PRKD3: variants seen among roughly 807,000 people sequenced by gnomAD.
The protein encoded by PRKD3 is protein kinase D3.
PRKD3 carries 47 observed loss-of-function variants against 99.2 expected under a neutral mutation model. The observed-to-expected ratio is 0.47, with a 90% CI of 0.38 to 0.60. PRKD3 has a LOEUF of 0.60. Among genes scored for constraint, PRKD3 ranks in the 20% least tolerant of loss-of-function variants. The pLI, the probability that PRKD3 is intolerant of heterozygous loss-of-function variation, is 0.00. For missense variants in PRKD3, 1,019 were observed against 1,088.4 expected (o/e 0.94, Z 0.90); for synonymous variants, 392 against 355.4 (o/e 1.10, Z -1.16).
chr2:37,316,675 AC>A lies in PRKD3; in HGVS notation c.-152del, dbSNP rs1671678041. ...CCTCTGTTAAGCCACTCATGCCGAT[AC>A]TTTTAAGTTTTATCAAGGAGTTGAA... On this transcript the variant is annotated 5_prime_UTR_variant, in exon 2 of 19. Transcript: ENST00000234179. 7.0e-7 allele frequency: 1 copy of A among 1,437,992 alleles called. No homozygotes were observed. The allele number at this position is 1,437,992 out of a possible 1,614,324, so 89.1% of individuals were successfully genotyped here. A position where few individuals can be genotyped will look rare whatever the true frequency, so the allele number is the denominator to read the frequency against.
rs1189123289 is a variant in PRKD3 at position 37,272,422 on chromosome 2, A to C, written c.1662T>G (p.Ser554=). 2.5e-6 allele frequency: 4 copies of C among 1,605,618 alleles called. No individual in the cohort carries two copies. Among genetic ancestry groups the C allele is most frequent in the Non-Finnish European group, 3.4e-6 (4 of 1,177,584 alleles). The change falls in exon 12 of 19, where the codon TCT becomes TCG. Residue 554 remains serine (S), a synonymous_variant. Coordinates refer to ENST00000234179, the MANE Select transcript of PRKD3 (RefSeq NM_005813.6). The part of the protein sequence containing the change: ...PGQGKDHKDL[S]TSISVSNCQI... ...GACAATTAGATACAGAGATACTTGT[A>C]GACAAATCTTCTGTAAAATATAAAA...
At chr2:37,319,295 G>A (rs930279349) in intron 1 of PRKD3, among the ~76,000 whole-genome samples, 1 of 152,190 alleles carries the variant, frequency 6.6e-6, no homozygotes, top group Non-Finnish European at 1.5e-5. Context: ...TGTTAGTGTA[G>A]TTAAGTTTGC....
chr2:37,280,987 G>A (rs766531528), intron 7 of PRKD3, among the ~76,000 whole-genome samples: 4 of 152,130 alleles, frequency 2.6e-5, no homozygotes, highest in South Asian at 2.1e-4. Context: ...TAAAAATGGC[G>A]AATGAACACA....
At chr2:37,286,132 C>T (rs779096898) in intron 6 of PRKD3, 45 bp downstream of exon 6, 13 of 1,453,154 alleles carry the variant, frequency 8.9e-6, no homozygotes, top group Non-Finnish European at 1.2e-5. Context: ...TATATAATAA[C>T]AAAAACAGAC....
intron 7 of PRKD3, among the ~76,000 whole-genome samples, chr2:37,280,579 A>G (rs531648545): frequency 6.6e-6 from 1 of 152,180 alleles, no homozygotes; most frequent in Non-Finnish European, 1.5e-5. Context: ...TCTACATGCA[A>G]AAGAATGAAC....
chr2:37,279,011 T>C (rs902074789), intron 8 of PRKD3: 1 of 151,988 alleles, frequency 6.6e-6, no homozygotes, highest in Non-Finnish European at 1.5e-5. Context: ...AACAAAGATT[T>C]TGTTAATAAT....
chr2:37,255,042 G>A (rs1387200466), intron 17 of PRKD3, among the ~76,000 whole-genome samples: 1 of 152,150 alleles, frequency 6.6e-6, no homozygotes, highest in Non-Finnish European at 1.5e-5. Flanking sequence ...CGAACCAAAT[G>A]GAAAGACTTG....
In PRKD3 at chr2:37,289,442, G is replaced by C; in HGVS notation, c.631C>G (p.Arg211Gly). ...PNNCSGVRKRRLSNVSLPGPG... is the reference protein window; with the variant it reads ...PNNCSGVRKRGLSNVSLPGPG... ...CCTGGTAAAGATACATTTGACAGAC[G>C]TCTCTTTCTTACTCCACTACAGTTA... The change falls in exon 5 of 19, where the codon CGT (arginine) becomes GGT (glycine). Residue 211 changes from arginine (R) to glycine (G), a missense_variant. Physicochemically the swap from Arg to Gly is moderately radical, Grantham distance 125 (BLOSUM62 -2). Coordinates refer to ENST00000234179, the MANE Select transcript of PRKD3 (RefSeq NM_005813.6). The C allele has an allele frequency of 6.2e-7, 1 of 1,613,658 alleles. No individual in the cohort carries two copies. The highest frequency in any genetic ancestry group is 8.5e-7 in the Non-Finnish European group (1 of 1,179,684).
At chr2:37,318,240 A>G (rs1273671107) in intron 1 of PRKD3, among the ~76,000 whole-genome samples, 1 of 152,218 alleles carries the variant, frequency 6.6e-6, no homozygotes, top group Non-Finnish European at 1.5e-5. Context: ...ACTTTAAAAA[A>G]AACTGAAGAT....
rs201915821 is a variant in PRKD3 at position 37,279,946 on chromosome 2, T to C, written c.989-17A>G. ...TGGAAGGTTCTGGGAAAATTTTAAATGAATTTCAGAGTTTTATATTAATAG... is the reference window on the plus strand; with the variant it reads ...TGGAAGGTTCTGGGAAAATTTTAAACGAATTTCAGAGTTTTATATTAATAG... On this transcript the variant is annotated splice_polypyrimidine_tract_variant and intron_variant, in intron 7 of 18. Transcript: ENST00000234179. The C allele has an allele frequency of 1.9e-5, 30 of 1,551,472 alleles. No homozygotes were observed. In the East Asian group the frequency reaches 6.2e-4, roughly 32 times the overall value.
At chr2:37,299,020 C>T (rs62133261) in intron 2 of PRKD3, among the ~76,000 whole-genome samples, 49,167 of 151,678 alleles carry the variant, frequency 0.32, 8,720 homozygotes, top group East Asian at 0.42. Context: ...AGAGGAAAGG[C>T]TTTCAGTTTT....
intron 13 of PRKD3, 196 bp from the exon 14 acceptor site, chr2:37,267,732 A>T: frequency 2.0e-6 from 1 of 506,472 alleles, no homozygotes; most frequent in Non-Finnish European, 3.4e-6. Context: ...ATTTGCCCCT[A>T]ATAAAGTCAG....
At chr2:37,320,823 C>T (rs960515310) in intron 1 of PRKD3, among the ~76,000 whole-genome samples, 3 of 152,098 alleles carry the variant, frequency 2.0e-5, no homozygotes, top group Non-Finnish European at 4.4e-5. Context: ...GTGTTTAATA[C>T]AACTAATTTA....
At chr2:37,257,843 C>T in intron 16 of PRKD3, among the ~76,000 whole-genome samples, 1 of 152,140 alleles carries the variant, frequency 6.6e-6, no homozygotes, top group East Asian at 1.9e-4. Context: ...GAGACTGCCC[C>T]AGTGAGTAAC....
chr2:37,305,449 C>G (rs1671117385), intron 2 of PRKD3, among the ~76,000 whole-genome samples: 1 of 152,196 alleles, frequency 6.6e-6, no homozygotes, highest in African/African-American at 2.4e-5. Flanking sequence ...ATTATATCTA[C>G]TATGTTCATT....
rs758124341 is a variant in PRKD3 at position 37,256,814 on chromosome 2, T to A, written c.2261A>T (p.Asn754Ile). Residue 754 changes from asparagine to isoleucine, a missense_variant, in exon 17 of 19, where the codon AAC becomes ATC. By Grantham distance (149) the Asn-to-Ile change is moderately radical (BLOSUM62 -3). Transcript: ENST00000234179. Reference sequence around the variant, plus strand: ...CACTGACCACATATCTAGGGAACGGTTGTAACCTTTGCTCCGGAGAACTTC... The same window carrying A: ...CACTGACCACATATCTAGGGAACGGATGTAACCTTTGCTCCGGAGAACTTC... The part of the protein sequence containing the change: ...APEVLRSKGY[N>I]RSLDMWSVGV... 3 of 1,613,856 alleles carry A rather than the reference T, an allele frequency of 1.9e-6. No homozygotes were observed. The highest frequency in any genetic ancestry group is 2.5e-6 in the Non-Finnish European group (3 of 1,179,952).
intron 9 of PRKD3, among the ~76,000 whole-genome samples, chr2:37,276,782 A>G (rs1669589087): frequency 6.7e-6 from 1 of 150,304 alleles, no homozygotes; most frequent in Non-Finnish European, 1.5e-5. Context: ...GTGTGTGTAT[A>G]TATGTATATA....
chr2:37,324,030 A>G (rs1007951322), intron 1 of PRKD3, among the ~76,000 whole-genome samples: 4 of 152,218 alleles, frequency 2.6e-5, no homozygotes, highest in African/African-American at 4.8e-5. Context: ...ATACAGTAGT[A>G]TATGGTTATT....
At chr2:37,287,993 TG>T (rs1670204383) in intron 5 of PRKD3, among the ~76,000 whole-genome samples, 1 of 152,228 alleles carries the variant, frequency 6.6e-6, no homozygotes, top group African/African-American at 2.4e-5. Flanking sequence ...AAAAATACCC[TG>T]AACAATCTAA....
Sources: gnomAD v4.1 joint callset for allele counts (sites outside exome capture counted in the v4.1 genomes callset) on GRCh38, gnomAD v4.1.1 for gene constraint, MANE v1.5 for transcripts, NCBI Gene and HGNC (gene_info 2026-07-23, HGNC 2026-07-21) for gene names.